YTHDC2: variants seen among roughly 807,000 people sequenced by gnomAD.
YTHDC2 encodes the protein YTH N6-methyladenosine RNA binding protein C2.
In YTHDC2, 45 loss-of-function variants were observed where a neutral mutation model predicts 174.9. The observed-to-expected ratio is 0.26, with a 90% CI of 0.20 to 0.33. The LOEUF (loss-of-function observed/expected upper bound fraction) is 0.33, where lower values mean the gene tolerates loss of function less well. Ranked by LOEUF, YTHDC2 falls within the 10% of genes least tolerant of loss-of-function variation. YTHDC2 has a pLI of 1.00. For synonymous variants in YTHDC2, 657 were observed against 574.5 expected (o/e 1.14, Z -2.05); for missense variants, 1,650 against 1,723.7 (o/e 0.96, Z 0.76).
chr5:113,581,752 AG>A, intron 25 of YTHDC2, 43 bp downstream of exon 25: 1 of 1,391,086 alleles, frequency 7.2e-7, no homozygotes, highest in Non-Finnish European at 9.4e-7. Flanking sequence ...CTTTTTATTC[AG>A]GAAAATGAAT....
At chr5:113,556,882 G>C (rs987191887) in intron 17 of YTHDC2, among the ~76,000 whole-genome samples, 7 of 152,198 alleles carry the variant, frequency 4.6e-5, no homozygotes, top group Non-Finnish European at 8.8e-5. Flanking sequence ...TCTGGGAACA[G>C]TGTGATGTCC....
intron 28 of YTHDC2, 200 bp from the exon 29 acceptor site, chr5:113,593,103 G>T: frequency 5.2e-6 from 2 of 384,942 alleles, no homozygotes; most frequent in Non-Finnish European, 9.4e-6. Flanking sequence ...CAGATTAACT[G>T]TAATCTTAAA....
intron 18 of YTHDC2, among the ~76,000 whole-genome samples, chr5:113,562,868 G>A (rs565738362): frequency 2.6e-5 from 4 of 151,970 alleles, no homozygotes; most frequent in East Asian, 1.9e-4. Flanking sequence ...GACGATAATC[G>A]TAATTAAGTA....
chr5:113,559,777 C>T (rs1172786836), intron 17 of YTHDC2, among the ~76,000 whole-genome samples: 1 of 152,208 alleles, frequency 6.6e-6, no homozygotes, highest in Non-Finnish European at 1.5e-5. Flanking sequence ...GGTCCTGAAG[C>T]ATTTCTTGGA....
intron 26 of YTHDC2, among the ~76,000 whole-genome samples, chr5:113,589,105 A>T (rs12519315): frequency 0.46 from 69,421 of 151,450 alleles, 19,206 homozygotes; most frequent in African/African-American, 0.78. Context: ...TGCTCATTAT[A>T]CTTTTATGTT....
chr5:113,545,011 T>C (rs1338010002), intron 10 of YTHDC2, among the ~76,000 whole-genome samples: 1 of 152,216 alleles, frequency 6.6e-6, no homozygotes, highest in African/African-American at 2.4e-5. Flanking sequence ...TGTTTTGAAT[T>C]TTTTTGAGCT....
chr5:113,576,635 C>T (rs1410034994), intron 23 of YTHDC2, among the ~76,000 whole-genome samples: 1 of 152,002 alleles, frequency 6.6e-6, no homozygotes, highest in Non-Finnish European at 1.5e-5. Flanking sequence ...TTCATTTGCT[C>T]TTTTTATTTC....
chr5:113,572,896 T>C (rs144500047), intron 23 of YTHDC2, among the ~76,000 whole-genome samples: 246 of 152,338 alleles, frequency 1.6e-3, no homozygotes, highest in African/African-American at 5.6e-3. Flanking sequence ...CTCGTGGGTC[T>C]TGGCTCTTTA....
intron 2 of YTHDC2, among the ~76,000 whole-genome samples, chr5:113,518,391 A>G (rs1258538929): frequency 1.4e-5 from 2 of 146,796 alleles, no homozygotes; most frequent in Non-Finnish European, 2.9e-5. Flanking sequence ...TGTAGAGGAC[A>G]GCATCTCATT....
rs9552 is a variant in YTHDC2, at chr5:113,593,997, G to A, written c.*523G>A. ...TACAAGTGTCCCTTTTAAAAATAGT[G>A]TGTGCTAACTAAGGGCTATTCATTC... On this transcript the variant is annotated 3_prime_UTR_variant, in exon 30 of 30. Coordinates refer to ENST00000161863, the MANE Select transcript of YTHDC2 (RefSeq NM_022828.5). 0.61 allele frequency: 93,457 copies of A among 152,086 alleles called. 31,352 individuals carry two copies. The highest frequency in any genetic ancestry group is 0.9 in the African/African-American group (37,370 of 41,538). The allele number at this position is 152,086 out of a possible 1,614,324, so 9.4% of individuals were successfully genotyped here.
chr5:113,537,616 A>G (rs572542002), intron 7 of YTHDC2, among the ~76,000 whole-genome samples: 11 of 145,740 alleles, frequency 7.5e-5, no homozygotes, highest in South Asian at 4.3e-4. Flanking sequence ...TTCCTGCCCT[A>G]TGCTATACTC....
intron 20 of YTHDC2, 93 bp from the exon 21 acceptor site, chr5:113,565,800 G>T: frequency 1.5e-6 from 2 of 1,311,434 alleles, no homozygotes; most frequent in South Asian, 2.0e-5. Flanking sequence ...AATTCACGTC[G>T]AGGAATTCGT....
intron 2 of YTHDC2, among the ~76,000 whole-genome samples, chr5:113,515,643 T>G (rs1773369129): frequency 6.6e-6 from 1 of 152,184 alleles, no homozygotes; most frequent in African/African-American, 2.4e-5. Flanking sequence ...CAAATTAGAC[T>G]GATAAAAGAC....
intron 26 of YTHDC2, among the ~76,000 whole-genome samples, chr5:113,590,368 C>T (rs566653493): frequency 7.9e-5 from 12 of 152,326 alleles, no homozygotes; most frequent in African/African-American, 2.2e-4. Flanking sequence ...ATATATATTA[C>T]AGGTTCTATC....
intron 26 of YTHDC2, among the ~76,000 whole-genome samples, chr5:113,585,533 T>C (rs777975285): frequency 6.6e-6 from 1 of 152,040 alleles, no homozygotes; most frequent in Non-Finnish European, 1.5e-5. Flanking sequence ...CTGTATAATT[T>C]AATGAATTTT....
chr5:113,592,199 T>A, intron 28 of YTHDC2, 21 bp downstream of exon 28: 1 of 1,566,270 alleles, frequency 6.4e-7, no homozygotes, highest in Non-Finnish European at 8.6e-7. Flanking sequence ...GCATTTTTTT[T>A]TTTATTTACT....
chr5:113,592,683 A>T (rs980537627), intron 28 of YTHDC2: 1 of 152,580 alleles, frequency 6.6e-6, no homozygotes, highest in African/African-American at 2.4e-5. Flanking sequence ...CTGAACCAGT[A>T]TGACTCGTTT....
rs540653317 is a variant in YTHDC2 at position 113,536,660 on chromosome 5, G to T, written c.1102+862G>T. ...CTTTTCTGATTTATGGATGTTAACA[G>T]TGTTATATATATTCGTTTTTACTTA... is the stretch of plus-strand genomic sequence containing the variant. On this transcript the variant is annotated intron_variant, in intron 7 of 29. Coordinates refer to ENST00000161863, the MANE Select transcript of YTHDC2 (RefSeq NM_022828.5). 2.0e-5 allele frequency among the ~76,000 whole-genome samples: 3 copies of T among 152,236 alleles called. No homozygotes were observed. In the East Asian group the frequency reaches 5.8e-4, roughly 29 times the overall value.
chr5:113,535,301 A>AT (rs1483952319), intron 6 of YTHDC2, among the ~76,000 whole-genome samples: 1 of 152,122 alleles, frequency 6.6e-6, no homozygotes, highest in African/African-American at 2.4e-5. Flanking sequence ...TCTAGAGATG[A>AT]TTTAAAGTAT....
Sources: allele counts gnomAD v4.1 joint callset (sites outside exome capture counted in the v4.1 genomes callset), GRCh38; gene constraint gnomAD v4.1.1; transcripts MANE v1.5; gene names NCBI Gene and HGNC (gene_info 2026-07-23, HGNC 2026-07-21).